OPCML: variants seen among roughly 807,000 people sequenced by gnomAD.
OPCML encodes the protein opioid-binding protein/cell adhesion molecule.
OPCML carries 13 observed loss-of-function variants against 37.8 expected under a neutral mutation model. The observed-to-expected ratio is 0.34, with a 90% CI of 0.22 to 0.55. The LOEUF (loss-of-function observed/expected upper bound fraction) is 0.55. OPCML is among the 20% of genes least tolerant of loss of function. OPCML has a pLI of 0.91. For missense variants in OPCML, 341 were observed against 435.6 expected (o/e 0.78, Z 1.93); for synonymous variants, 176 against 168.8 (o/e 1.04, Z -0.33).
intron 1 of OPCML, among the ~76,000 whole-genome samples, chr11:133,398,843 T>C (rs10894678): frequency 0.25 from 37,560 of 151,648 alleles, 5,280 homozygotes; most frequent in African/African-American, 0.39. Flanking sequence ...GTCCCATGCC[T>C]CACCAAACCT....
chr11:132,828,652 G>A (rs1344133461), intron 2 of OPCML, among the ~76,000 whole-genome samples: 1 of 151,850 alleles, frequency 6.6e-6, no homozygotes, highest in Non-Finnish European at 1.5e-5. Context: ...TTTTTTTATT[G>A]TTTAATATTT....
intron 1 of OPCML, among the ~76,000 whole-genome samples, chr11:133,185,521 G>T (rs1938031271): frequency 6.6e-6 from 1 of 152,228 alleles, no homozygotes; most frequent in African/African-American, 2.4e-5. Context: ...TGGAGATGGG[G>T]TTCGGAGGGT....
intron 2 of OPCML, among the ~76,000 whole-genome samples, chr11:132,930,216 T>A (rs1349897699): frequency 6.6e-6 from 1 of 151,948 alleles, no homozygotes; most frequent in African/African-American, 2.4e-5. Flanking sequence ...ATACAAAAAT[T>A]AGCCTGACGT....
chr11:132,845,836 G>A (rs1032545671), intron 2 of OPCML, among the ~76,000 whole-genome samples: 1 of 152,004 alleles, frequency 6.6e-6, no homozygotes, highest in Admixed American at 6.6e-5. Flanking sequence ...GTCTAGTAAT[G>A]ATTTGAGGTT....
intron 2 of OPCML, among the ~76,000 whole-genome samples, chr11:132,821,730 G>T (rs1191304293): frequency 6.6e-6 from 1 of 152,030 alleles, no homozygotes; most frequent in Non-Finnish European, 1.5e-5. Context: ...CCAATTCAAG[G>T]TATCTTCCCC....
intron 1 of OPCML, among the ~76,000 whole-genome samples, chr11:133,073,521 G>A (rs928050600): frequency 6.6e-6 from 1 of 152,220 alleles, no homozygotes; most frequent in Non-Finnish European, 1.5e-5. Context: ...CAAAGCTGAA[G>A]TCAGAACTTG....
chr11:133,193,444 C>T (rs750582774), intron 1 of OPCML, among the ~76,000 whole-genome samples: 6 of 152,142 alleles, frequency 3.9e-5, no homozygotes, highest in Non-Finnish European at 7.3e-5. Context: ...GGAGGTAATT[C>T]CCAACTTGGA....
At chr11:133,126,829 G>A (rs1024956162) in intron 1 of OPCML, among the ~76,000 whole-genome samples, 2 of 152,104 alleles carry the variant, frequency 1.3e-5, no homozygotes, top group Admixed American at 6.5e-5. Flanking sequence ...AGGGACCCAC[G>A]GGCACATGCA....
intron 7 of OPCML, among the ~76,000 whole-genome samples, chr11:132,432,492 A>G (rs960650242): frequency 4.6e-5 from 7 of 152,052 alleles, no homozygotes; most frequent in Non-Finnish European, 8.8e-5. Context: ...AATATAAAAG[A>G]CCCACTGAGA....
At chr11:132,986,236 A>C (rs553866741) in intron 1 of OPCML, among the ~76,000 whole-genome samples, 2 of 152,296 alleles carry the variant, frequency 1.3e-5, no homozygotes, top group East Asian at 3.9e-4. Context: ...TGACTTACTC[A>C]TCTATCACTC....
At chr11:132,567,598 G>A (rs1565671768) in intron 3 of OPCML, among the ~76,000 whole-genome samples, 1 of 152,192 alleles carries the variant, frequency 6.6e-6, no homozygotes, top group Non-Finnish European at 1.5e-5. Flanking sequence ...CGGGCAGGGG[G>A]AGGCAAGGTC....
chr11:132,952,765 A>G (rs1362052320), intron 1 of OPCML, among the ~76,000 whole-genome samples: 2 of 152,162 alleles, frequency 1.3e-5, no homozygotes, highest in Non-Finnish European at 2.9e-5. Flanking sequence ...GCTTCCTCAC[A>G]GGATGGCTGT....
intron 2 of OPCML, among the ~76,000 whole-genome samples, chr11:132,927,099 G>A: frequency 6.6e-6 from 1 of 152,036 alleles, no homozygotes; most frequent in East Asian, 1.9e-4. Context: ...AGAGTTCCGG[G>A]AAAAGAAATA....
intron 1 of OPCML, among the ~76,000 whole-genome samples, chr11:132,993,307 T>C (rs1028782921): frequency 2.0e-5 from 3 of 152,194 alleles, no homozygotes; most frequent in African/African-American, 7.2e-5. Flanking sequence ...GACAGTGTGC[T>C]GTTCTTCCTC....
intron 2 of OPCML, among the ~76,000 whole-genome samples, chr11:132,773,656 A>G (rs1418268624): frequency 6.6e-6 from 1 of 152,200 alleles, no homozygotes; most frequent in Non-Finnish European, 1.5e-5. Context: ...AAGTTTCTTC[A>G]CTTTGAAAAT....
chr11:133,294,882 G>C (rs1190231705), intron 1 of OPCML, among the ~76,000 whole-genome samples: 2 of 130,708 alleles, frequency 1.5e-5, no homozygotes, highest in Non-Finnish European at 3.1e-5. Flanking sequence ...GGAGTGCAGT[G>C]GTGCAGTCTC....
intron 1 of OPCML, among the ~76,000 whole-genome samples, chr11:133,125,839 GAC>G (rs1565459886): frequency 1.4e-5 from 2 of 142,836 alleles, no homozygotes; most frequent in East Asian, 2.0e-4. Context: ...TGTATATATA[GAC>G]ACATGTATAT....
At chr11:132,940,778 A>T (rs1344314153) in intron 2 of OPCML, among the ~76,000 whole-genome samples, 1 of 152,044 alleles carries the variant, frequency 6.6e-6, no homozygotes, top group Non-Finnish European at 1.5e-5. Context: ...AAAATCAAGG[A>T]ATAAGAAGAC....
chr11:133,453,011 T>C (rs1298457339), intron 1 of OPCML, among the ~76,000 whole-genome samples: 1 of 152,152 alleles, frequency 6.6e-6, no homozygotes, highest in East Asian at 1.9e-4. Flanking sequence ...AGATCCCTGT[T>C]TACTTACCCA....
Sources: gnomAD v4.1 joint callset for allele counts (sites outside exome capture counted in the v4.1 genomes callset) on GRCh38, gnomAD v4.1.1 for gene constraint, MANE v1.5 for transcripts, NCBI Gene and HGNC (gene_info 2026-07-23, HGNC 2026-07-21) for gene names.